The following REV1 variants were observed in gnomAD, a reference collection of about 807,000 sequenced individuals.
REV1 encodes the protein translesion synthesis protein REV1.
Under a neutral mutation model 137.4 loss-of-function variants are expected in REV1, and 42 were observed. That is an observed-to-expected ratio of 0.31 (90% CI 0.24 to 0.40). REV1 has a LOEUF of 0.40. Among genes scored for constraint, REV1 ranks in the 10% least tolerant of loss-of-function variants. The pLI is 1.00. For missense variants in REV1, 1,282 were observed against 1,490.1 expected, an observed-to-expected ratio of 0.86 and a Z score of 2.30; for synonymous variants, 524 against 519.2, an observed-to-expected ratio of 1.01 and a Z score of -0.12.
intron 3 of REV1, chr2:99,451,577 G>T: frequency 1.0e-6 from 1 of 957,208 alleles, no homozygotes; most frequent in Non-Finnish European, 1.5e-6. Flanking sequence ...ACACTCCTGA[G>T]TTGTGTGACT....
chr2:99,424,937 A>G, intron 9 of REV1: 1 of 1,276,270 alleles, frequency 7.8e-7, no homozygotes, highest in Non-Finnish European at 1.0e-6. Flanking sequence ...TGTGTGTCTC[A>G]GTGCCCCACA....
At chr2:99,436,990 GTTTTT>G (rs749608176) in intron 6 of REV1, among the ~76,000 whole-genome samples, 2 of 128,912 alleles carry the variant, frequency 1.6e-5, no homozygotes, top group Admixed American at 7.8e-5. Context: ...CTTTTTTTTT[GTTTTT>G]TTTTTTTTTT....
chr2:99,442,455 C>T lies in REV1; in HGVS notation c.365G>A (p.Arg122Gln). 2 of 1,612,934 alleles carry T rather than the reference C, an allele frequency of 1.2e-6. No individual in the cohort carries two copies. The highest frequency in any genetic ancestry group is 1.7e-6 in the Non-Finnish European group (2 of 1,179,684). ...CTGATATGGAATGTAGGAGAGGAGT[C>T]GTCCAGCTTTGATGCTGAAACAAAA... ...EWIVESIKAG[R>Q]LLSYIPYQLY... The change falls in exon 5 of 23, where the codon CGA (arginine) becomes CAA (glutamine). Residue 122 changes from arginine to glutamine, a missense_variant. Physicochemically the swap from Arg to Gln is conservative, Grantham distance 43. Coordinates refer to ENST00000258428, the MANE Select transcript of REV1 (RefSeq NM_016316.4).
At chr2:99,484,091 G>A (rs954547509) in intron 1 of REV1, among the ~76,000 whole-genome samples, 40 of 152,282 alleles carry the variant, frequency 2.6e-4, no homozygotes, top group African/African-American at 8.9e-4. Context: ...GATCTCCTAT[G>A]TAGGCTATTA....
intron 13 of REV1, 57 bp from the exon 14 acceptor site, chr2:99,410,924 T>C: frequency 7.1e-7 from 1 of 1,411,594 alleles, no homozygotes; most frequent in Non-Finnish European, 9.6e-7. Context: ...TACCTAATAA[T>C]TGTTCTCAAG....
chr2:99,424,723 C>A, intron 9 of REV1: 2 of 1,288,384 alleles, frequency 1.6e-6, no homozygotes, highest in Non-Finnish European at 2.0e-6. Context: ...AAAAGAACTA[C>A]ACAAAACAGT....
intron 8 of REV1, 132 bp downstream of exon 8, chr2:99,434,200 T>A (rs1680451818): frequency 7.9e-6 from 4 of 505,222 alleles, no homozygotes; most frequent in Non-Finnish European, 1.4e-5. Context: ...AACAGTGACA[T>A]CCTTAAAACC....
At chr2:99,402,574 CTG>C in intron 21 of REV1, 68 bp downstream of exon 21, 1 of 1,427,656 alleles carries the variant, frequency 7.0e-7, no homozygotes. Flanking sequence ...ATAGTTTAGT[CTG>C]TTTATGTTCT....
rs116840478 is a variant in REV1 at position 99,444,959 on chromosome 2, G to A, written c.351-2490C>T. On this transcript the variant is annotated intron_variant, in intron 4 of 22. Transcript: ENST00000258428. Reference sequence around the variant, plus strand: ...CTTTATCCAAAAGATAATACTACACGGTTTCCTTATACACTGAGTTTTTTC... The same window carrying A: ...CTTTATCCAAAAGATAATACTACACAGTTTCCTTATACACTGAGTTTTTTC... Among the ~76,000 whole-genome samples, 499 of 151,982 alleles carry A rather than the reference G, an allele frequency of 3.3e-3. 3 individuals carry two copies. The highest frequency in any genetic ancestry group is 5.6e-3 in the Non-Finnish European group (379 of 67,978).
Position 99,404,431 on chromosome 2 carries a change from A to C in REV1, c.3045+13T>G. ...ATTGAAACTACAGCAGAGGGTTCCC[A>C]TATTTAACTTACCTGTGAAAATGCT... On this transcript the variant is annotated intron_variant, in intron 18 of 22. Coordinates refer to ENST00000258428, the MANE Select transcript of REV1 (RefSeq NM_016316.4). 1 of 1,607,174 alleles carries C rather than the reference A, an allele frequency of 6.2e-7. No homozygotes were observed. Among genetic ancestry groups the C allele is most frequent in the East Asian group, 2.2e-5 (1 of 44,838 alleles).
intron 3 of REV1, among the ~76,000 whole-genome samples, chr2:99,457,902 A>G (rs577808971): frequency 1.3e-5 from 2 of 152,222 alleles, no homozygotes; most frequent in East Asian, 1.9e-4. Context: ...AAATATGCCT[A>G]ACTGACTGTG....
intron 10 of REV1, 109 bp from the exon 11 acceptor site, chr2:99,421,762 G>T: frequency 8.2e-7 from 1 of 1,214,094 alleles, no homozygotes; most frequent in Non-Finnish European, 1.1e-6. Context: ...TCCTCACAAA[G>T]CATTTTAAAT....
chr2:99,401,442 G>T, intron 22 of REV1, 90 bp from the exon 23 acceptor site: 2 of 766,400 alleles, frequency 2.6e-6, no homozygotes, highest in Non-Finnish European at 1.9e-6. Context: ...ATTGACTTTG[G>T]CAAAAAAAAA....
intron 2 of REV1, 46 bp from the exon 3 acceptor site, chr2:99,462,668 TC>T (rs767676177): frequency 7.0e-6 from 11 of 1,560,306 alleles, no homozygotes; most frequent in Admixed American, 6.8e-5. Flanking sequence ...TTACATTTTC[TC>T]CCCCCTTTTT....
intron 4 of REV1, among the ~76,000 whole-genome samples, chr2:99,445,728 G>A (rs1228511651): frequency 6.6e-6 from 1 of 152,138 alleles, no homozygotes; most frequent in African/African-American, 2.4e-5. Context: ...AAAGGTTTTA[G>A]TAAAATAATT....
rs146292028 is a variant in REV1 at position 99,430,122 on chromosome 2, G to A, written c.1439-174C>T. ...ATAAAAGAAAACTCTAAAATGGTTCGCTTCCATTATATTCTTCATCAGCAG... is the reference window on the plus strand; with the variant it reads ...ATAAAAGAAAACTCTAAAATGGTTCACTTCCATTATATTCTTCATCAGCAG... On this transcript the variant is annotated intron_variant, in intron 8 of 22. Transcript: ENST00000258428. Among the ~76,000 whole-genome samples, 97 of 151,730 alleles carry A rather than the reference G, an allele frequency of 6.4e-4. 1 individual carries two copies. In the East Asian group the frequency reaches 0.012, roughly 19 times the overall value.
Position 99,439,065 on chromosome 2 carries a change from G to T in REV1, c.749C>A (p.Ala250Asp), listed in dbSNP as rs1429116235. 1 of 1,613,978 alleles carries T rather than the reference G, an allele frequency of 6.2e-7. No homozygotes were observed. The highest frequency in any genetic ancestry group is 1.3e-5 in the African/African-American group (1 of 74,898). The change falls in exon 6 of 23, where the codon GCC becomes GAC. Residue 250 changes from alanine to aspartate, a missense_variant. Coordinates refer to ENST00000258428, the MANE Select transcript of REV1 (RefSeq NM_016316.4). ...DCLVPMVNSV[A>D]SRLSPAFSQE... The stretch of plus-strand genomic sequence containing the variant: ...GGAAAAGGCTGGAGAAAGCCTGCTG[G>T]CAACACTGTTGACCATGGGCACCAA...
chr2:99,429,444 A>T (rs1197505127), intron 9 of REV1, among the ~76,000 whole-genome samples: 1 of 152,246 alleles, frequency 6.6e-6, no homozygotes, highest in African/African-American at 2.4e-5. Flanking sequence ...AACACTAAAA[A>T]AACTGAGTAT....
chr2:99,489,394 G>A (rs1687442635), intron 1 of REV1, among the ~76,000 whole-genome samples: 1 of 152,062 alleles, frequency 6.6e-6, no homozygotes, highest in Admixed American at 6.5e-5. Context: ...TGAATGAATG[G>A]CGCGGAACTG....
Sources: allele counts gnomAD v4.1 joint callset (sites outside exome capture counted in the v4.1 genomes callset), GRCh38; gene constraint gnomAD v4.1.1; transcripts MANE v1.5; gene names NCBI Gene and HGNC (gene_info 2026-07-23, HGNC 2026-07-21).